PDE10A: variants seen among roughly 807,000 people sequenced by gnomAD.
PDE10A encodes phosphodiesterase 10A, also known as cAMP and cAMP-inhibited cGMP 3',5'-cyclic phosphodiesterase 10A.
Under a neutral mutation model 97.7 loss-of-function variants are expected in PDE10A, and 39 were observed. The observed-to-expected ratio is 0.40, with a 90% CI of 0.31 to 0.52. The LOEUF (loss-of-function observed/expected upper bound fraction) is 0.52, where lower values mean the gene tolerates loss of function less well. Ranked by LOEUF, PDE10A falls within the 20% of genes least tolerant of loss-of-function variation. The probability of loss-of-function intolerance (pLI) is 0.56; values close to 1 mark genes in which losing one functional copy is unlikely to be tolerated. For missense variants in PDE10A, 731 were observed against 1,047.8 expected (o/e 0.70, Z 4.17); for synonymous variants, 371 against 376.8 (o/e 0.98, Z 0.18).
At chr6:165,964,478 C>T (rs565632686) in intron 1 of PDE10A, among the ~76,000 whole-genome samples, 5 of 152,174 alleles carry the variant, frequency 3.3e-5, no homozygotes, top group East Asian at 1.9e-4. Flanking sequence ...GAAATCTGGG[C>T]GTAATGGTCT....
At chr6:165,905,535 A>T (rs1319273632) in intron 1 of PDE10A, among the ~76,000 whole-genome samples, 1 of 152,216 alleles carries the variant, frequency 6.6e-6, no homozygotes, top group Non-Finnish European at 1.5e-5. Flanking sequence ...AGTCTAAAAC[A>T]CATATGTATA....
intron 1 of PDE10A, among the ~76,000 whole-genome samples, chr6:165,672,384 G>T (rs938564433): frequency 2.0e-5 from 3 of 152,186 alleles, no homozygotes; most frequent in Non-Finnish European, 1.5e-5. Flanking sequence ...AATGTGCTGA[G>T]AACATTACAG....
chr6:165,347,628 A>G (rs893306211), intron 18 of PDE10A, among the ~76,000 whole-genome samples: 1 of 152,230 alleles, frequency 6.6e-6, no homozygotes, highest in Non-Finnish European at 1.5e-5. Flanking sequence ...CAACCTTTAC[A>G]TGGTCTCACA....
At chr6:165,343,149 CAGTG>C (rs538107876) in intron 19 of PDE10A, among the ~76,000 whole-genome samples, 18 of 152,268 alleles carry the variant, frequency 1.2e-4, no homozygotes, top group East Asian at 9.6e-4. Flanking sequence ...TACTACTGTT[CAGTG>C]AGTAAGTTCC....
intron 1 of PDE10A, among the ~76,000 whole-genome samples, chr6:165,688,848 CTGTGTGAG>C (rs1411094142): frequency 7.9e-5 from 12 of 152,212 alleles, no homozygotes; most frequent in Non-Finnish European, 1.2e-4. Context: ...GTGTGTGTAT[CTGTGTGAG>C]TGTGTGAGTG....
chr6:165,416,465 T>C (rs1187795807), intron 11 of PDE10A, among the ~76,000 whole-genome samples, 184 bp from the exon 12 acceptor site: 1 of 152,210 alleles, frequency 6.6e-6, no homozygotes, highest in East Asian at 1.9e-4. Context: ...AGAAAACCAT[T>C]ACACAGTAAT....
At chr6:165,783,423 AT>A (rs1468267139) in intron 1 of PDE10A, among the ~76,000 whole-genome samples, 1 of 152,198 alleles carries the variant, frequency 6.6e-6, no homozygotes, top group African/African-American at 2.4e-5. Context: ...CATTCATACC[AT>A]TTCTATAGAA....
At position 165,629,521 on chromosome 6, in the gene PDE10A, CTTTTT is replaced by C. The variant is rs35760840; in HGVS notation, c.865+32421_865+32425del. 1.8e-3 allele frequency among the ~76,000 whole-genome samples: 235 copies of C among 131,658 alleles called. 1 individual carries two copies. Among genetic ancestry groups the C allele is most frequent in the Middle Eastern group, 0.012 (3 of 254 alleles). The allele number at this position is 131,658 out of a possible 152,430, so 86.4% of individuals were successfully genotyped here. ...TAGAGAATGAAGGAATATTAACAACCTTTTTTTTTTTTTTTTTTTTTTAAAACAGG... is the reference window on the plus strand; with the variant it reads ...TAGAGAATGAAGGAATATTAACAACCTTTTTTTTTTTTTTTTTAAAACAGG... On this transcript the variant is annotated intron_variant, in intron 1 of 21. Coordinates refer to ENST00000539869, the MANE Select transcript of PDE10A (RefSeq NM_001385079.1).
intron 1 of PDE10A, among the ~76,000 whole-genome samples, chr6:165,824,345 C>T (rs1486808448): frequency 6.6e-6 from 1 of 152,182 alleles, no homozygotes; most frequent in Non-Finnish European, 1.5e-5. Context: ...CCCCAAATAT[C>T]AGATAGCATG....
chr6:165,651,179 G>A (rs2128425470), intron 1 of PDE10A, among the ~76,000 whole-genome samples: 1 of 152,270 alleles, frequency 6.6e-6, no homozygotes, highest in South Asian at 2.1e-4. Context: ...ATGAATATTT[G>A]CAAATGTCAC....
At chr6:165,872,733 G>T (rs1781237476) in intron 1 of PDE10A, among the ~76,000 whole-genome samples, 1 of 152,150 alleles carries the variant, frequency 6.6e-6, no homozygotes, top group African/African-American at 2.4e-5. Context: ...GGAAAGTGAT[G>T]AGTGCAACTG....
chr6:165,364,299 C>G (rs1783621663), intron 18 of PDE10A, among the ~76,000 whole-genome samples: 1 of 152,074 alleles, frequency 6.6e-6, no homozygotes, highest in African/African-American at 2.4e-5. Context: ...TAATAGAAAC[C>G]TCAGAGAGCT....
chr6:165,780,467 T>C (rs1448837771), intron 1 of PDE10A: 1 of 152,222 alleles, frequency 6.6e-6, no homozygotes, highest in African/African-American at 2.4e-5. Context: ...TAGGTGGAAA[T>C]GATAAAGTAA....
At chr6:165,797,883 G>T (rs1202021700) in intron 1 of PDE10A, among the ~76,000 whole-genome samples, 1 of 152,132 alleles carries the variant, frequency 6.6e-6, no homozygotes, top group Non-Finnish European at 1.5e-5. Flanking sequence ...CATTCATTAT[G>T]AGTTTTTTTG....
chr6:165,480,630 A>C (rs1225279047), intron 3 of PDE10A, among the ~76,000 whole-genome samples: 1 of 152,172 alleles, frequency 6.6e-6, no homozygotes, highest in Non-Finnish European at 1.5e-5. Flanking sequence ...GAAAGAAAAA[A>C]CAAAACCAAA....
chr6:165,361,647 G>T (rs1783433084), intron 18 of PDE10A, among the ~76,000 whole-genome samples: 1 of 152,146 alleles, frequency 6.6e-6, no homozygotes, highest in Non-Finnish European at 1.5e-5. Flanking sequence ...GACACCAGGG[G>T]AATACAGAGA....
intron 1 of PDE10A, among the ~76,000 whole-genome samples, chr6:165,559,905 T>A (rs1344167202): frequency 6.6e-6 from 1 of 152,212 alleles, no homozygotes; most frequent in Non-Finnish European, 1.5e-5. Context: ...CACCTTCTGC[T>A]ATGATTGTGA....
intron 1 of PDE10A, among the ~76,000 whole-genome samples, chr6:165,652,487 T>G (rs1178715956): frequency 1.3e-5 from 2 of 152,182 alleles, no homozygotes. Flanking sequence ...TCGCCCAGCC[T>G]TCAAGCCCTT....
In PDE10A at chr6:165,572,526, A is replaced by C. The variant is rs376097387; in HGVS notation, c.866-28958T>G. On this transcript the variant is annotated intron_variant, in intron 1 of 21. Transcript: ENST00000539869. ...GGTTTCTGTAAAATACCTTAATCCAAAATGTCATTTTAACAATTCAGTGGC... is the reference window on the plus strand; with the variant it reads ...GGTTTCTGTAAAATACCTTAATCCACAATGTCATTTTAACAATTCAGTGGC... Among the ~76,000 whole-genome samples the C allele has an allele frequency of 2.0e-4, 30 of 152,362 alleles. 1 individual carries two copies. Among genetic ancestry groups the C allele is most frequent in the African/African-American group, 7.0e-4 (29 of 41,576 alleles).
Sources: gnomAD v4.1 joint callset for allele counts (sites outside exome capture counted in the v4.1 genomes callset) on GRCh38, gnomAD v4.1.1 for gene constraint, MANE v1.5 for transcripts, NCBI Gene and HGNC (gene_info 2026-07-23, HGNC 2026-07-21) for gene names.